The following SHANK2 variants were observed in gnomAD, a reference collection of about 807,000 sequenced individuals.
SHANK2 encodes the protein SH3 and multiple ankyrin repeat domains protein 2.
SHANK2 carries 43 observed loss-of-function variants against 133.7 expected under a neutral mutation model. The ratio of observed to expected loss-of-function variants is 0.32; its 90% CI spans 0.25 to 0.41. The LOEUF (loss-of-function observed/expected upper bound fraction) is 0.41, where lower values mean the gene tolerates loss of function less well. Ranked by LOEUF, SHANK2 falls within the 10% of genes least tolerant of loss-of-function variation. The probability of loss-of-function intolerance (pLI) is 1.00; values close to 1 mark genes in which losing one functional copy is unlikely to be tolerated. For synonymous variants in SHANK2, 1,017 were observed against 952.8 expected, an observed-to-expected ratio of 1.07 and a Z score of -1.24; for missense variants, 1,994 against 2,235.8, an observed-to-expected ratio of 0.89 and a Z score of 2.18.
At chr11:70,621,672 C>T (rs568696479) in intron 17 of SHANK2, among the ~76,000 whole-genome samples, 79 of 152,264 alleles carry the variant, frequency 5.2e-4, no homozygotes, top group African/African-American at 1.0e-3. Context: ...CCCAGCCATG[C>T]GTGGCTGCTT....
intron 25 of SHANK2, chr11:70,475,239 C>T (rs1467633534): frequency 2.0e-5 from 3 of 152,158 alleles, no homozygotes; most frequent in East Asian, 3.9e-4. Flanking sequence ...CTCCTGAGCT[C>T]GTCTCAAACC....
chr11:71,060,379 G>A (rs942257902), intron 9 of SHANK2, among the ~76,000 whole-genome samples: 2 of 152,186 alleles, frequency 1.3e-5, no homozygotes, highest in African/African-American at 4.8e-5. Context: ...TCCCTAGAAC[G>A]GTCTCAGAAC....
chr11:70,585,822 T>C (rs1554986565), intron 17 of SHANK2, among the ~76,000 whole-genome samples: 5 of 127,900 alleles, frequency 3.9e-5, no homozygotes, highest in South Asian at 3.2e-4. Context: ...ATCTATCCAT[T>C]TGCTCACCCA....
intron 2 of SHANK2, among the ~76,000 whole-genome samples, chr11:71,190,003 G>T (rs919136858): frequency 6.6e-6 from 1 of 152,238 alleles, no homozygotes; most frequent in Admixed American, 6.5e-5. Flanking sequence ...GCATGGTGAA[G>T]AGCACAGCTG....
At chr11:71,102,766 G>C (rs1951736540) in intron 6 of SHANK2, among the ~76,000 whole-genome samples, 1 of 152,316 alleles carries the variant, frequency 6.6e-6, no homozygotes. Flanking sequence ...CAGGAGTTGA[G>C]AGCAGGGACC....
At chr11:70,848,357 A>G (rs996419370) in intron 11 of SHANK2, among the ~76,000 whole-genome samples, 23 of 152,254 alleles carry the variant, frequency 1.5e-4, no homozygotes, top group African/African-American at 5.1e-4. Context: ...GGGCAATGTC[A>G]GGGCCTGGCG....
intron 25 of SHANK2, among the ~76,000 whole-genome samples, chr11:70,478,326 T>C (rs1379270563): frequency 1.3e-5 from 2 of 152,100 alleles, no homozygotes; most frequent in Non-Finnish European, 2.9e-5. Flanking sequence ...GGCTGGTCAG[T>C]GATGCTGATT....
intron 11 of SHANK2, among the ~76,000 whole-genome samples, chr11:70,825,216 G>C (rs1948619486): frequency 6.6e-6 from 1 of 151,658 alleles, no homozygotes; most frequent in South Asian, 2.1e-4. Context: ...AAACTCATTA[G>C]GAAAAAAAAA....
intron 25 of SHANK2, among the ~76,000 whole-genome samples, chr11:70,478,178 C>CTT (rs201773776): frequency 6.9e-6 from 1 of 144,632 alleles, no homozygotes; most frequent in African/African-American, 2.5e-5. Flanking sequence ...TTCAATTTGG[C>CTT]TTTTTTTTTT....
chr11:70,656,560 C>T (rs2061408403), intron 17 of SHANK2, among the ~76,000 whole-genome samples: 1 of 152,130 alleles, frequency 6.6e-6, no homozygotes, highest in Non-Finnish European at 1.5e-5. Flanking sequence ...GCTGACATTT[C>T]ACAATCTGGG....
At chr11:70,566,024 C>T (rs941126400) in intron 17 of SHANK2, among the ~76,000 whole-genome samples, 2 of 152,102 alleles carry the variant, frequency 1.3e-5, no homozygotes, top group Non-Finnish European at 1.5e-5. Flanking sequence ...GCCTCACAAT[C>T]ATGGCAGAAG....
At chr11:70,767,329 C>T (rs1947143033) in intron 14 of SHANK2, among the ~76,000 whole-genome samples, 1 of 152,138 alleles carries the variant, frequency 6.6e-6, no homozygotes, top group African/African-American at 2.4e-5. Context: ...CCATATGACC[C>T]ACCAATTCCA....
rs573700065 is a variant in SHANK2, at chr11:71,118,880, C to A, written c.360G>T (p.Arg120=). ...GRDGKFLDEE[R]LLREYPQPVG... Reference sequence around the variant, plus strand: ...CGGGCTGTGGGTACTCGCGCAGGAGCCGCTCCTCATCCAGGAACTTGCCGT... The same window carrying A: ...CGGGCTGTGGGTACTCGCGCAGGAGACGCTCCTCATCCAGGAACTTGCCGT... Residue 120 remains arginine (R), a synonymous_variant, in exon 4 of 26, where the codon CGG becomes CGT. Coordinates refer to ENST00000601538, the MANE Select transcript of SHANK2 (RefSeq NM_012309.5). 2.6e-6 allele frequency: 4 copies of A among 1,551,756 alleles called. No individual in the cohort carries two copies. The South Asian group carries it at 3.6e-5, about 14-fold the overall frequency.
intron 16 of SHANK2, among the ~76,000 whole-genome samples, chr11:70,660,569 G>A (rs1427472731): frequency 6.6e-6 from 1 of 152,206 alleles, no homozygotes; most frequent in Non-Finnish European, 1.5e-5. Flanking sequence ...GTGAGGCTTG[G>A]CTTCTGGGGC....
intron 14 of SHANK2, among the ~76,000 whole-genome samples, chr11:70,748,391 A>C (rs1002200659): frequency 3.9e-5 from 6 of 152,120 alleles, no homozygotes; most frequent in Admixed American, 2.0e-4. Flanking sequence ...CTAACCAGAA[A>C]AAGGGACCGT....
chr11:70,653,435 G>C (rs2061363238), intron 17 of SHANK2, among the ~76,000 whole-genome samples: 1 of 151,390 alleles, frequency 6.6e-6, no homozygotes, highest in South Asian at 2.1e-4. Flanking sequence ...TAAAATACCA[G>C]CCCAAGAAAC....
Position 70,696,890 on chromosome 11 carries a change from C to T in SHANK2, c.1853+1798G>A, listed in dbSNP as rs1382337271. Among the ~76,000 whole-genome samples the T allele has an allele frequency of 2.6e-5, 4 of 152,284 alleles. No homozygotes were observed. The South Asian group carries it at 6.2e-4, about 24-fold the overall frequency. ...GCTCACTGATGGATAAAGGGATGAGCAAAATGTGGTCCGTCCATACAATGA... is the reference window on the plus strand; with the variant it reads ...GCTCACTGATGGATAAAGGGATGAGTAAAATGTGGTCCGTCCATACAATGA... On this transcript the variant is annotated intron_variant, in intron 15 of 25. Transcript: ENST00000601538.
intron 12 of SHANK2, among the ~76,000 whole-genome samples, chr11:70,816,141 G>A (rs976867837): frequency 1.3e-5 from 2 of 152,254 alleles, no homozygotes; most frequent in African/African-American, 2.4e-5. Flanking sequence ...CTGCAGAACC[G>A]AAGACTGTCT....
In SHANK2 at chr11:70,808,623, T is replaced by C. The variant is rs59645419; in HGVS notation, c.1494-1452A>G. On this transcript the variant is annotated intron_variant, in intron 12 of 25. Coordinates refer to ENST00000601538, the MANE Select transcript of SHANK2 (RefSeq NM_012309.5). ...GGTGCTGTGCATTTGTGGTTCTCGC[T>C]CCTTGGGAGGCTCAGGTGGGAGGAT... Among the ~76,000 whole-genome samples the C allele has an allele frequency of 9.0e-3, 1,342 of 148,662 alleles. 13 individuals are homozygous for C. The highest frequency in any genetic ancestry group is 0.031 in the African/African-American group (1,267 of 40,378).
Sources: gnomAD v4.1 joint callset for allele counts (sites outside exome capture counted in the v4.1 genomes callset) on GRCh38, gnomAD v4.1.1 for gene constraint, MANE v1.5 for transcripts, NCBI Gene and HGNC (gene_info 2026-07-23, HGNC 2026-07-21) for gene names.